TM6SF2: variants seen among roughly 807,000 people sequenced by gnomAD.
TM6SF2 encodes the protein transmembrane 6 superfamily member 2.
In TM6SF2, 29 loss-of-function variants were observed where a neutral mutation model predicts 41.0. The ratio of observed to expected loss-of-function variants is 0.71; its 90% CI spans 0.53 to 0.96. TM6SF2 has a LOEUF of 0.96. TM6SF2 is among the 50% of genes least tolerant of loss of function. TM6SF2 has a pLI of 0.00. For missense variants in TM6SF2, 475 were observed against 499.0 expected, an observed-to-expected ratio of 0.95 and a Z score of 0.46; for synonymous variants, 200 against 209.1, an observed-to-expected ratio of 0.96 and a Z score of 0.37.
At chr19:19,268,187 TTTTTC>T (rs2061010261) in intron 6 of TM6SF2, 100 bp from the exon 7 acceptor site, 1 of 761,278 alleles carries the variant, frequency 1.3e-6, no homozygotes. Flanking sequence ...CTTCTTTCTT[TTTTTC>T]TTTTTTTTCT....
intron 4 of TM6SF2, 178 bp downstream of exon 4, chr19:19,269,995 A>G (rs2146578879): frequency 6.7e-7 from 1 of 1,489,068 alleles, no homozygotes; most frequent in South Asian, 1.3e-5. Flanking sequence ...ATGCTAGGCC[A>G]CCACCTACAC....
chr19:19,271,817 C>T (rs2061025284), intron 1 of TM6SF2, among the ~76,000 whole-genome samples: 3 of 152,190 alleles, frequency 2.0e-5, no homozygotes, highest in African/African-American at 7.2e-5. Flanking sequence ...AGGCATGAGC[C>T]ACCACGCCTG....
intron 6 of TM6SF2, 124 bp from the exon 7 acceptor site, chr19:19,268,211 T>TC (rs2061010533): frequency 1.9e-6 from 1 of 523,948 alleles, no homozygotes; most frequent in Non-Finnish European, 3.1e-6. Flanking sequence ...CTTTTTTCTT[T>TC]TTTTTTTTTT....
intron 5 of TM6SF2, among the ~76,000 whole-genome samples, chr19:19,269,022 G>A (rs933701929): frequency 7.9e-5 from 12 of 152,088 alleles, no homozygotes; most frequent in African/African-American, 2.7e-4. Flanking sequence ...TGATCTCCAC[G>A]GCTCAAGTGA....
chr19:19,269,562 CAA>C (rs2061015408), intron 5 of TM6SF2, 123 bp downstream of exon 5: 1 of 1,181,196 alleles, frequency 8.5e-7, no homozygotes, highest in South Asian at 1.4e-5. Flanking sequence ...TGTGGACACG[CAA>C]AGAGGGAGGT....
chr19:19,268,153 A>G, intron 6 of TM6SF2, 66 bp from the exon 7 acceptor site: 1 of 1,112,160 alleles, frequency 9.0e-7, no homozygotes, highest in Non-Finnish European at 1.3e-6. Context: ...GTAGGTACTC[A>G]ATAAAGGTTC....
chr19:19,265,437 G>A (rs1328591990), intron 9 of TM6SF2, among the ~76,000 whole-genome samples: 1 of 142,786 alleles, frequency 7.0e-6, no homozygotes, highest in African/African-American at 2.5e-5. Context: ...TATCTATTTA[G>A]AGATAGGGTC....
chr19:19,267,364 GT>G (rs1023227472), intron 8 of TM6SF2, among the ~76,000 whole-genome samples: 2 of 99,954 alleles, frequency 2.0e-5, no homozygotes, highest in African/African-American at 9.7e-5. Context: ...GCAAAACTCT[GT>G]TTAAAAAAAA....
rs2061030973 is a variant in TM6SF2, at chr19:19,273,146, G to A, written c.70C>T (p.Leu24Phe). ...SLSALPVSYA[L>F]NHVSALSHPL... ...TGCGAGAGCGCCGAGACGTGGTTGA[G>A]CGCGTAGGACACCGGGAGGGCGCTC... is the stretch of plus-strand genomic sequence containing the variant. Residue 24 changes from leucine to phenylalanine, a missense_variant, in exon 1 of 10, where the codon CTC becomes TTC. Leu to Phe is a conservative substitution (Grantham distance 22). Coordinates refer to ENST00000389363, the MANE Select transcript of TM6SF2 (RefSeq NM_001001524.3). 4 of 1,491,092 alleles carry A rather than the reference G, an allele frequency of 2.7e-6. No homozygotes were observed. In the South Asian group the frequency reaches 3.8e-5, roughly 14 times the overall value. The allele number at this position is 1,491,092 out of a possible 1,614,324, so 92.4% of individuals were successfully genotyped here.
Position 19,272,692 on chromosome 19 carries a change from GGTGTGTGTGTGTGT to G in TM6SF2, c.95+415_95+428del, listed in dbSNP as rs55690765. ...AGGCCTGAGACAGGCAATGGAGTAGGGTGTGTGTGTGTGTGTGTGTGTGTGTGTGTGTGTGTGAG... is the reference window on the plus strand; with the variant it reads ...AGGCCTGAGACAGGCAATGGAGTAGGGTGTGTGTGTGTGTGTGTGTGTGAG... On this transcript the variant is annotated intron_variant, in intron 1 of 9. Transcript: ENST00000389363. Among the ~76,000 whole-genome samples, 5 of 136,750 alleles carry G rather than the reference GGTGTGTGTGTGTGT, an allele frequency of 3.7e-5. No homozygotes were observed. In the East Asian group the frequency reaches 6.8e-4, roughly 19 times the overall value. 89.7% of individuals were successfully genotyped at this position (136,750 alleles called of 152,430 possible). A position where few individuals can be genotyped will look rare whatever the true frequency, so the allele number is the denominator to read the frequency against.
Position 19,264,862 on chromosome 19 carries a change from C to T in TM6SF2, c.936G>A (p.Ser312=), listed in dbSNP as rs1260313688. 1.9e-6 allele frequency: 3 copies of T among 1,566,886 alleles called. No homozygotes were observed. Among genetic ancestry groups the T allele is most frequent in the Admixed American group, 1.9e-5 (1 of 53,952 alleles). The change falls in exon 10 of 10, where the codon TCG becomes TCA. Residue 312 remains serine, a synonymous_variant. Coordinates refer to ENST00000389363, the MANE Select transcript of TM6SF2 (RefSeq NM_001001524.3). ...GCAGGTGCATGGAAGCCCCCATGTGCGAGAACTGTGCCTGGTAGCCAGACA... is the reference window on the plus strand; with the variant it reads ...GCAGGTGCATGGAAGCCCCCATGTGTGAGAACTGTGCCTGGTAGCCAGACA... ...FAGGIGQAQF[S]HMGASMHLRT... is the part of the protein sequence containing the mutation.
chr19:19,269,275 T>C (rs1289145191), intron 5 of TM6SF2, among the ~76,000 whole-genome samples: 1 of 152,200 alleles, frequency 6.6e-6, no homozygotes, highest in Non-Finnish European at 1.5e-5. Flanking sequence ...TCCAGTGGGT[T>C]CTTTGCTTCC....
Position 19,267,651 on chromosome 19 carries a change from C to A in TM6SF2, c.774G>T (p.Leu258=), listed in dbSNP as rs1248802357. The A allele has an allele frequency of 6.2e-7, 1 of 1,613,870 alleles. No homozygotes were observed. Among genetic ancestry groups the A allele is most frequent in the South Asian group, 1.1e-5 (1 of 91,026 alleles). ...FVYIYQYEPY[L]RDPVAYPKVQ... is the part of the protein sequence containing the mutation. ...CCTTAGGGTAGGCCACAGGGTCCCGCAGGTATGGCTCATACTGGTAGATAT... is the reference window on the plus strand; with the variant it reads ...CCTTAGGGTAGGCCACAGGGTCCCGAAGGTATGGCTCATACTGGTAGATAT... The change falls in exon 8 of 10, where the codon CTG becomes CTT. Residue 258 remains leucine, a synonymous_variant. Coordinates refer to ENST00000389363, the MANE Select transcript of TM6SF2 (RefSeq NM_001001524.3).
At position 19,266,609 on chromosome 19, in the gene TM6SF2, T is replaced by C; in HGVS notation, c.805A>G (p.Met269Val). The C allele has an allele frequency of 1.2e-6, 2 of 1,612,320 alleles. No homozygotes were observed. Among genetic ancestry groups the C allele is most frequent in the Non-Finnish European group, 8.5e-7 (1 of 1,179,002 alleles). ...AGGACATAAAACATGTACATCAGCA[T>C]CTGCAGGGGCGGGAGGAGAGGGGCA... ...RDPVAYPKVQ[M>V]LMYMFYVLPF... Residue 269 changes from methionine to valine, a missense_variant and splice_region_variant, in exon 9 of 10, where the codon ATG becomes GTG. Physicochemically the swap from Met to Val is conservative, Grantham distance 21. This residue lies in a region of TM6SF2 where 190 missense variants were observed against 190.2 expected (regional missense o/e 1.00). Transcript: ENST00000389363.
At chr19:19,266,180 A>G (rs1299628502) in intron 9 of TM6SF2, among the ~76,000 whole-genome samples, 2 of 151,894 alleles carry the variant, frequency 1.3e-5, no homozygotes, top group Non-Finnish European at 1.5e-5. Flanking sequence ...TGCTGTTCCC[A>G]TTCCTGGAAT....
rs1440117271 is a variant in TM6SF2, at chr19:19,273,259, A to G, written c.-44T>C. ...CCGGCTCAGCCCCGACGCGTTCTCC[A>G]GGGCGCTCGGCTCCTCGTTGGCGGC... On this transcript the variant is annotated 5_prime_UTR_variant, in exon 1 of 10. Coordinates refer to ENST00000389363, the MANE Select transcript of TM6SF2 (RefSeq NM_001001524.3). The G allele has an allele frequency of 7.7e-6, 10 of 1,305,560 alleles. No homozygotes were observed. Among genetic ancestry groups the G allele is most frequent in the Non-Finnish European group, 9.8e-6 (10 of 1,020,142 alleles). The allele number at this position is 1,305,560 out of a possible 1,614,324, so 80.9% of individuals were successfully genotyped here. A position where few individuals can be genotyped will look rare whatever the true frequency, so the allele number is the denominator to read the frequency against.
intron 1 of TM6SF2, among the ~76,000 whole-genome samples, chr19:19,271,922 C>T (rs1390608065): frequency 6.6e-6 from 1 of 152,230 alleles, no homozygotes; most frequent in Non-Finnish European, 1.5e-5. Context: ...CCCTCTGTGG[C>T]CAGGCCCAGC....
At chr19:19,266,767 G>T in intron 8 of TM6SF2, 158 bp from the exon 9 acceptor site, 2 of 849,076 alleles carry the variant, frequency 2.4e-6, no homozygotes, top group Non-Finnish European at 3.5e-6. Context: ...TTCCCTTGGG[G>T]ATCCTTGCCC....
intron 8 of TM6SF2, 51 bp from the exon 9 acceptor site, chr19:19,266,660 C>T: frequency 5.8e-6 from 9 of 1,565,192 alleles, no homozygotes; most frequent in Non-Finnish European, 6.9e-6. Flanking sequence ...AGCAGCTACC[C>T]CAGGTGGGTC....
Sources: gnomAD v4.1 joint callset for allele counts (sites outside exome capture counted in the v4.1 genomes callset) on GRCh38, gnomAD v4.1.1 for gene constraint, gnomAD v4.1.1 regional missense constraint, MANE v1.5 for transcripts, NCBI Gene and HGNC (gene_info 2026-07-23, HGNC 2026-07-21) for gene names.